Variants in AUH observed in about 807,000 individuals in gnomAD.
AUH encodes the protein AU RNA binding methylglutaconyl-CoA hydratase, also known as methylglutaconyl-CoA hydratase, mitochondrial.
AUH carries 29 observed loss-of-function variants against 42.3 expected under a neutral mutation model. The observed-to-expected ratio is 0.69, with a 90% CI of 0.51 to 0.93. The LOEUF is 0.93. Among genes scored for constraint, AUH ranks in the 40% least tolerant of loss-of-function variants. The pLI, the probability that AUH is intolerant of heterozygous loss-of-function variation, is 0.00. For missense variants in AUH, 452 were observed against 438.1 expected (o/e 1.03, Z -0.28); for synonymous variants, 174 against 166.4 (o/e 1.05, Z -0.35).
At chr9:91,261,285 CT>C (rs1354596347) in intron 6 of AUH, among the ~76,000 whole-genome samples, 1 of 152,090 alleles carries the variant, frequency 6.6e-6, no homozygotes, top group Non-Finnish European at 1.5e-5. Flanking sequence ...CAGGTGGATC[CT>C]TTTGGGACTT....
At chr9:91,230,501 G>A (rs1216110072) in intron 6 of AUH, among the ~76,000 whole-genome samples, 2 of 152,042 alleles carry the variant, frequency 1.3e-5, no homozygotes, top group Non-Finnish European at 2.9e-5. Flanking sequence ...TGGTTTGAAT[G>A]TCCTCCCATA....
chr9:91,228,354 G>C (rs528617382), intron 6 of AUH, among the ~76,000 whole-genome samples: 1 of 151,616 alleles, frequency 6.6e-6, no homozygotes, highest in Non-Finnish European at 1.5e-5. Context: ...GGTGTTTGTA[G>C]TATTCTCTGA....
chr9:91,279,595 G>A (rs1825810150), intron 6 of AUH, among the ~76,000 whole-genome samples: 1 of 152,090 alleles, frequency 6.6e-6, no homozygotes, highest in Admixed American at 6.5e-5. Context: ...AGAGAGCAAG[G>A]AGGGGGAAGT....
At chr9:91,243,221 T>A (rs1340849792) in intron 6 of AUH, among the ~76,000 whole-genome samples, 1 of 152,232 alleles carries the variant, frequency 6.6e-6, no homozygotes, top group African/African-American at 2.4e-5. Flanking sequence ...AACAGTCAGC[T>A]ACCTACCACT....
rs1829882014 is a variant in AUH at position 91,325,174 on chromosome 9, T to C, written c.505+144A>G. 3 of 579,464 alleles carry C rather than the reference T, an allele frequency of 5.2e-6. No homozygotes were observed. In the South Asian group the frequency reaches 6.9e-5, roughly 13 times the overall value. 35.9% of individuals were successfully genotyped at this position (579,464 alleles called of 1,614,324 possible). A position where few individuals can be genotyped will look rare whatever the true frequency, so the allele number is the denominator to read the frequency against. The stretch of plus-strand genomic sequence containing the variant: ...ACATAATTTTTCAAATTAAATATAT[T>C]AAGTGTCACGTTAAACAGCTATAGG... On this transcript the variant is annotated intron_variant, in intron 4 of 9. Transcript: ENST00000375731.
intron 6 of AUH, among the ~76,000 whole-genome samples, chr9:91,229,036 T>C (rs1245564526): frequency 1.3e-5 from 2 of 151,684 alleles, no homozygotes; most frequent in African/African-American, 4.9e-5. Context: ...TTCTGTTGAT[T>C]TGGGGTGGAG....
chr9:91,337,517 G>A (rs1490963949), intron 3 of AUH, among the ~76,000 whole-genome samples: 2 of 152,146 alleles, frequency 1.3e-5, no homozygotes, highest in Non-Finnish European at 2.9e-5. Context: ...TCAATTGAAG[G>A]GCTCCAGCTT....
intron 6 of AUH, among the ~76,000 whole-genome samples, chr9:91,266,636 C>T (rs544180529): frequency 6.6e-6 from 1 of 152,088 alleles, no homozygotes; most frequent in Non-Finnish European, 1.5e-5. Flanking sequence ...GATTTTGTAA[C>T]CAGGTCAAGA....
intron 6 of AUH, among the ~76,000 whole-genome samples, chr9:91,237,547 C>G (rs1346719400): frequency 6.6e-6 from 1 of 152,092 alleles, no homozygotes; most frequent in Admixed American, 6.5e-5. Context: ...AAGGTGGTTC[C>G]CTAGTATCCT....
Position 91,273,658 on chromosome 9 carries a change from G to C in AUH, c.655+22363C>G, listed in dbSNP as rs562861499. On this transcript the variant is annotated intron_variant, in intron 6 of 9. Transcript: ENST00000375731. Reference sequence around the variant, plus strand: ...TTTAAAACCCTCTGTCTTTATAACAGATGTTTTTAAGGCATCAAAAATAAC... The same window carrying C: ...TTTAAAACCCTCTGTCTTTATAACACATGTTTTTAAGGCATCAAAAATAAC... 2.0e-5 allele frequency among the ~76,000 whole-genome samples: 3 copies of C among 152,322 alleles called. No homozygotes were observed. In the South Asian group the frequency reaches 6.2e-4, roughly 32 times the overall value.
At chr9:91,283,667 AACAG>A (rs1398816972) in intron 6 of AUH, among the ~76,000 whole-genome samples, 2 of 152,214 alleles carry the variant, frequency 1.3e-5, no homozygotes, top group Non-Finnish European at 2.9e-5. Flanking sequence ...ATACACCAAT[AACAG>A]ACAAACAGAG....
intron 3 of AUH, among the ~76,000 whole-genome samples, chr9:91,325,616 G>A (rs879760616): frequency 6.6e-6 from 1 of 152,082 alleles, no homozygotes; most frequent in Admixed American, 6.6e-5. Flanking sequence ...TGCTTAAAGC[G>A]GTGCTTCTCC....
intron 3 of AUH, among the ~76,000 whole-genome samples, chr9:91,328,778 A>T (rs1171787745): frequency 6.6e-6 from 1 of 152,264 alleles, no homozygotes; most frequent in Non-Finnish European, 1.5e-5. Context: ...TTCACTGAAG[A>T]ATAATTTACA....
chr9:91,292,080 G>A (rs1175945815), intron 6 of AUH, among the ~76,000 whole-genome samples: 1 of 152,132 alleles, frequency 6.6e-6, no homozygotes, highest in Non-Finnish European at 1.5e-5. Flanking sequence ...ATTGGGTGAT[G>A]CAAGATTTCA....
At chr9:91,285,297 C>A (rs1408756973) in intron 6 of AUH, among the ~76,000 whole-genome samples, 1 of 148,512 alleles carries the variant, frequency 6.7e-6, no homozygotes, top group African/African-American at 2.5e-5. Flanking sequence ...ACATCACACA[C>A]TGGGGCCTGT....
At chr9:91,295,582 G>A (rs185556141) in intron 6 of AUH, among the ~76,000 whole-genome samples, 108 of 152,268 alleles carry the variant, frequency 7.1e-4, no homozygotes, top group African/African-American at 2.5e-3. Context: ...TCCAGCAACC[G>A]CCACTCTAAT....
At chr9:91,260,412 C>T (rs1440687788) in intron 6 of AUH, among the ~76,000 whole-genome samples, 2 of 151,792 alleles carry the variant, frequency 1.3e-5, no homozygotes, top group Non-Finnish European at 2.9e-5. Context: ...TCTTTCTTTT[C>T]CTGTCTTCTT....
intron 3 of AUH, among the ~76,000 whole-genome samples, chr9:91,349,673 GAGAC>G (rs1193862739): frequency 4.8e-5 from 4 of 83,942 alleles, no homozygotes; most frequent in African/African-American, 2.2e-4. Context: ...GTAAGGCAGA[GAGAC>G]AGACACACAC....
chr9:91,277,760 A>T (rs868038393), intron 6 of AUH, among the ~76,000 whole-genome samples: 1 of 152,214 alleles, frequency 6.6e-6, no homozygotes, highest in African/African-American at 2.4e-5. Flanking sequence ...TAAAAGATGA[A>T]ATTTTGAAAT....
Sources: allele counts gnomAD v4.1 joint callset (sites outside exome capture counted in the v4.1 genomes callset), GRCh38; gene constraint gnomAD v4.1.1; transcripts MANE v1.5; gene names NCBI Gene and HGNC (gene_info 2026-07-23, HGNC 2026-07-21).